Variants in HYDIN observed in about 807,000 individuals in gnomAD.
The protein encoded by HYDIN is axonemal central pair apparatus protein HYDIN.
A neutral mutation model predicts 403.9 loss-of-function variants in HYDIN; 132 were observed. The observed-to-expected ratio is 0.33, with a 90% CI of 0.28 to 0.38. The LOEUF is 0.38. Among genes scored for constraint, HYDIN ranks in the 10% least tolerant of loss-of-function variants. The probability of loss-of-function intolerance (pLI) is 1.00; values close to 1 mark genes in which losing one functional copy is unlikely to be tolerated. For missense variants in HYDIN, 2,827 were observed against 5,009.5 expected (o/e 0.56, Z 13.15); for synonymous variants, 1,202 against 1,891.7 (o/e 0.64, Z 9.46).
chr16:70,836,125 G>T (rs2037409339), intron 77 of HYDIN, among the ~76,000 whole-genome samples: 1 of 152,142 alleles, frequency 6.6e-6, no homozygotes, highest in South Asian at 2.1e-4. Flanking sequence ...GGGCTCAGGG[G>T]GCCTTTCCGA....
At position 71,069,444 on chromosome 16, in the gene HYDIN, G is replaced by C. The variant is rs760517494; in HGVS notation, c.1797C>G (p.Tyr599Ter). 246 of 1,613,854 alleles carry C rather than the reference G, an allele frequency of 1.5e-4. No homozygotes were observed. The highest frequency in any genetic ancestry group is 5.9e-6 in the Non-Finnish European group (7 of 1,179,924). The change falls in exon 14 of 86, where the codon TAC becomes TAG. Residue 599 changes from tyrosine to a stop codon, truncating the protein, a stop_gained. Transcript: ENST00000393567. LOFTEE classifies it high-confidence loss of function. ...GGCCATCCCCAGGGATACGCAGTTT[G>C]TAAGTCATGGGGATCAAAGAGGTAT... ...LNNTSLIPMT[Y>*]KLRIPGDGLG...
chr16:70,959,865 T>C (rs372867545), intron 38 of HYDIN, 45 bp from the exon 39 acceptor site: 1 of 572,512 alleles, frequency 1.7e-6, no homozygotes, highest in African/African-American at 2.1e-5. Context: ...GCATGCATGC[T>C]ACACAGCCGG....
At chr16:70,839,591 T>C (rs1386213894) in intron 76 of HYDIN, among the ~76,000 whole-genome samples, 1 of 151,494 alleles carries the variant, frequency 6.6e-6, no homozygotes, top group African/African-American at 2.4e-5. Flanking sequence ...GGGCCAGCCC[T>C]TGGAGATTCT....
chr16:70,897,317 C>T (rs28684487), intron 53 of HYDIN, among the ~76,000 whole-genome samples: 28 of 152,254 alleles, frequency 1.8e-4, no homozygotes, highest in Admixed American at 1.8e-3. Context: ...CCACCTCTGT[C>T]TCTGCTCCAG....
At position 70,851,424 on chromosome 16, in the gene HYDIN, TAG is replaced by T. The variant is rs111296154; in HGVS notation, c.12444-771_12444-770del. 3.3e-4 allele frequency among the ~76,000 whole-genome samples: 50 copies of T among 150,990 alleles called. 1 individual carries two copies. Among genetic ancestry groups the T allele is most frequent in the African/African-American group, 1.2e-3 (50 of 40,420 alleles). ...TTAAAAAATGGGCAAAAGACATGAA[TAG>T]ACACTTCTCAAAAGGAAACAGAAAA... is the stretch of plus-strand genomic sequence containing the variant. On this transcript the variant is annotated intron_variant, in intron 73 of 85. Coordinates refer to ENST00000393567, the MANE Select transcript of HYDIN (RefSeq NM_001270974.2).
chr16:71,217,865 G>A (rs750830884), intron 1 of HYDIN, among the ~76,000 whole-genome samples: 8 of 152,176 alleles, frequency 5.3e-5, no homozygotes, highest in Non-Finnish European at 1.2e-4. Context: ...GTCCAAGAGA[G>A]GGACCACTGG....
chr16:71,072,587 T>G (rs1304343365), intron 13 of HYDIN, among the ~76,000 whole-genome samples: 1 of 150,046 alleles, frequency 6.7e-6, no homozygotes, highest in Non-Finnish European at 1.5e-5. Flanking sequence ...AAAATAGTAT[T>G]ACTGATCTTA....
At chr16:71,094,357 G>T (rs1157435739) in intron 10 of HYDIN, among the ~76,000 whole-genome samples, 3 of 152,104 alleles carry the variant, frequency 2.0e-5, no homozygotes, top group African/African-American at 7.2e-5. Flanking sequence ...ACAGTCACAT[G>T]GGTATAACAG....
chr16:71,053,513 T>C (rs1347118774), intron 18 of HYDIN, among the ~76,000 whole-genome samples: 2 of 151,952 alleles, frequency 1.3e-5, no homozygotes, highest in African/African-American at 4.8e-5. Context: ...GGCATTAACA[T>C]GGATAGATGT....
intron 18 of HYDIN, among the ~76,000 whole-genome samples, chr16:71,047,816 C>T (rs955898591): frequency 1.2e-4 from 18 of 151,428 alleles, no homozygotes; most frequent in Non-Finnish European, 2.1e-4. Flanking sequence ...TTAGCATATC[C>T]AGCTCCTCAG....
chr16:71,134,597 C>T (rs918406193), intron 8 of HYDIN, among the ~76,000 whole-genome samples: 1 of 152,060 alleles, frequency 6.6e-6, no homozygotes, highest in Non-Finnish European at 1.5e-5. Flanking sequence ...TGATGTGTGG[C>T]CTGGGACACG....
At chr16:70,947,425 T>C (rs1158977335) in intron 41 of HYDIN, among the ~76,000 whole-genome samples, 3 of 152,082 alleles carry the variant, frequency 2.0e-5, no homozygotes, top group Non-Finnish European at 4.4e-5. Context: ...TCTGATGTGC[T>C]GCTGGATTCG....
intron 47 of HYDIN, among the ~76,000 whole-genome samples, chr16:70,909,314 G>A (rs1468782396): frequency 7.9e-5 from 12 of 152,100 alleles, no homozygotes; most frequent in Non-Finnish European, 1.8e-4. Context: ...AGATAAACAT[G>A]TGTTTAATCT....
chr16:71,225,679 A>C (rs1023747296), intron 1 of HYDIN, among the ~76,000 whole-genome samples: 24 of 152,220 alleles, frequency 1.6e-4, no homozygotes, highest in African/African-American at 4.8e-4. Flanking sequence ...CTTGAGGTTC[A>C]GAAAGAAGGA....
chr16:71,165,973 T>TC (rs1697412846), intron 5 of HYDIN, among the ~76,000 whole-genome samples: 1 of 147,984 alleles, frequency 6.8e-6, no homozygotes, highest in African/African-American at 2.5e-5. Context: ...CTGAAGGCAT[T>TC]CCCAAGGCTG....
intron 7 of HYDIN, among the ~76,000 whole-genome samples, chr16:71,150,836 C>G (rs991478672): frequency 6.6e-6 from 1 of 152,054 alleles, no homozygotes; most frequent in African/African-American, 2.4e-5. Flanking sequence ...ATTTAGAATA[C>G]TGAGTAATAA....
Position 70,833,527 on chromosome 16 carries a change from G to A in HYDIN, c.13679+360C>T, listed in dbSNP as rs2037161625. On this transcript the variant is annotated intron_variant, in intron 79 of 85. Transcript: ENST00000393567. The stretch of plus-strand genomic sequence containing the variant: ...CGTGAGAGTTGCCTCTGTTCTGGGT[G>A]GCACTGGTATCCCATGGCCCTGTGT... 3.0e-5 allele frequency among the ~76,000 whole-genome samples: 4 copies of A among 134,600 alleles called. No individual in the cohort carries two copies. The South Asian group carries it at 9.7e-4, about 33-fold the overall frequency. 88.3% of individuals were successfully genotyped at this position (134,600 alleles called of 152,430 possible).
intron 18 of HYDIN, among the ~76,000 whole-genome samples, chr16:71,046,761 T>A (rs1295232471): frequency 6.6e-6 from 1 of 152,252 alleles, no homozygotes; most frequent in Non-Finnish European, 1.5e-5. Flanking sequence ...CTATGCTACT[T>A]AATGTATTTC....
In HYDIN at chr16:71,201,410, T is replaced by G. The variant is rs572364734; in HGVS notation, c.-23-14492A>C. ...AGATATTTATTGGTTTTTACTATCC[T>G]GCATCCATCCCCCCAACCTCTTGCT... is the stretch of plus-strand genomic sequence containing the variant. On this transcript the variant is annotated intron_variant, in intron 1 of 85. Coordinates refer to ENST00000393567, the MANE Select transcript of HYDIN (RefSeq NM_001270974.2). Among the ~76,000 whole-genome samples, 8 of 152,332 alleles carry G rather than the reference T, an allele frequency of 5.3e-5. No individual in the cohort carries two copies. The South Asian group carries it at 1.7e-3, about 32-fold the overall frequency.
Sources: allele counts gnomAD v4.1 joint callset (sites outside exome capture counted in the v4.1 genomes callset), GRCh38; gene constraint gnomAD v4.1.1; transcripts MANE v1.5; gene names NCBI Gene and HGNC (gene_info 2026-07-23, HGNC 2026-07-21).